TJP1: variants seen among roughly 807,000 people sequenced by gnomAD.
The protein encoded by TJP1 is tight junction protein 1.
TJP1 carries 43 observed loss-of-function variants against 194.2 expected under a neutral mutation model. The observed-to-expected ratio is 0.22, with a 90% CI of 0.17 to 0.29. The LOEUF (loss-of-function observed/expected upper bound fraction) is 0.29, where lower values mean the gene tolerates loss of function less well. TJP1 is among the 10% of genes least tolerant of loss of function. The pLI, the probability that TJP1 is intolerant of heterozygous loss-of-function variation, is 1.00. For synonymous variants in TJP1, 801 were observed against 779.0 expected, an observed-to-expected ratio of 1.03 and a Z score of -0.47; for missense variants, 1,971 against 2,185.7, an observed-to-expected ratio of 0.90 and a Z score of 1.96.
chr15:29,807,511 T>C (rs190057951), intron 1 of TJP1, among the ~76,000 whole-genome samples: 1 of 152,316 alleles, frequency 6.6e-6, no homozygotes, highest in Admixed American at 6.5e-5. Flanking sequence ...AGGAAGGGAA[T>C]GGCATAGCAG....
intron 8 of TJP1, among the ~76,000 whole-genome samples, chr15:29,745,376 T>TA (rs1027612911): frequency 2.7e-5 from 4 of 148,540 alleles, no homozygotes; most frequent in East Asian, 2.0e-4. Context: ...TTTAATTACA[T>TA]AAAAAAATCT....
chr15:29,912,741 A>T (rs2054061539), intron 2 of TJP1, among the ~76,000 whole-genome samples: 1 of 150,532 alleles, frequency 6.6e-6, no homozygotes, highest in Non-Finnish European at 1.5e-5. Flanking sequence ...CTTGGAAAAA[A>T]TATTCTGGGA....
chr15:29,925,656 A>G (rs548421327), intron 2 of TJP1, among the ~76,000 whole-genome samples: 1 of 152,308 alleles, frequency 6.6e-6, no homozygotes, highest in Non-Finnish European at 1.5e-5. Context: ...TGTCACACTG[A>G]GTCAGCAGGC....
At chr15:29,710,079 G>C (rs1026594878) in intron 24 of TJP1, among the ~76,000 whole-genome samples, 5 of 152,088 alleles carry the variant, frequency 3.3e-5, no homozygotes, top group African/African-American at 4.8e-5. Context: ...CCGAGAGGCA[G>C]AGGTTGCAGT....
At chr15:29,857,893 C>A (rs1263500068) in intron 2 of TJP1, among the ~76,000 whole-genome samples, 1 of 152,144 alleles carries the variant, frequency 6.6e-6, no homozygotes, top group African/African-American at 2.4e-5. Context: ...TCCGGACTAG[C>A]TGGGATTACA....
intron 8 of TJP1, among the ~76,000 whole-genome samples, chr15:29,747,320 G>A (rs1462553321): frequency 6.6e-6 from 1 of 152,026 alleles, no homozygotes; most frequent in Non-Finnish European, 1.5e-5. Context: ...AATTGTAAAA[G>A]ATCAAAATTT....
chr15:29,959,510 G>A (rs1213289333), intron 1 of TJP1, among the ~76,000 whole-genome samples: 3 of 151,956 alleles, frequency 2.0e-5, no homozygotes, highest in African/African-American at 7.3e-5. Flanking sequence ...TCCCCACTGC[G>A]ACTACTGTGG....
rs747859807 is a variant in TJP1 at position 29,718,676 on chromosome 15, G to A, written c.3466C>T (p.Arg1156Trp). The stretch of plus-strand genomic sequence containing the variant: ...CCAGGAGCTGGCTGCTCTTCGTGCC[G>A]CAGGGCGGATGCTCTAGGTGCCTGT... ...YEQAPRASAL[R>W]HEEQPAPGYD... Residue 1156 changes from arginine to tryptophan, a missense_variant, in exon 21 of 28, where the codon CGG (arginine) becomes TGG (tryptophan). Transcript: ENST00000614355. The A allele has an allele frequency of 2.0e-5, 33 of 1,614,026 alleles. No individual in the cohort carries two copies. The highest frequency in any genetic ancestry group is 1.4e-4 in the South Asian group (13 of 91,088).
At chr15:29,808,063 T>C (rs573234954) in intron 1 of TJP1, among the ~76,000 whole-genome samples, 1 of 152,166 alleles carries the variant, frequency 6.6e-6, no homozygotes, top group African/African-American at 2.4e-5. Context: ...AGGCCAGATG[T>C]TCAAGATCAG....
chr15:29,761,955 C>T (rs1329929225), intron 6 of TJP1, among the ~76,000 whole-genome samples, 186 bp from the exon 7 acceptor site: 3 of 152,146 alleles, frequency 2.0e-5, no homozygotes, highest in African/African-American at 4.8e-5. Context: ...TGTACTGTTG[C>T]TGTCAGAAAA....
chr15:29,858,779 C>CT (rs2051959479), intron 2 of TJP1, among the ~76,000 whole-genome samples: 1 of 151,848 alleles, frequency 6.6e-6, no homozygotes, highest in Non-Finnish European at 1.5e-5. Flanking sequence ...ACTCCTGGGC[C>CT]TAAGTGATCC....
At position 29,732,723 on chromosome 15, in the gene TJP1, G is replaced by T. The variant is rs764601264; in HGVS notation, c.1829C>A (p.Ser610Tyr). Reference protein sequence around the residue: ...DFWRFRGLRSSKRNLRKSRED... With the variant: ...DFWRFRGLRSYKRNLRKSRED... Reference sequence around the variant, plus strand: ...TCTGCTTTTTCGAAGATTTCTCTTGGAGCTGCGAAGACCTCTGAATCTCCA... The same window carrying T: ...TCTGCTTTTTCGAAGATTTCTCTTGTAGCTGCGAAGACCTCTGAATCTCCA... The change falls in exon 14 of 28, where the codon TCC becomes TAC. Residue 610 changes from serine (S) to tyrosine (Y), a missense_variant. Coordinates refer to ENST00000614355, the MANE Select transcript of TJP1 (RefSeq NM_001330239.4). 5.0e-6 allele frequency: 8 copies of T among 1,614,156 alleles called. No homozygotes were observed. The highest frequency in any genetic ancestry group is 5.9e-6 in the Non-Finnish European group (7 of 1,180,026).
chr15:29,771,638 T>A (rs1190727601), intron 4 of TJP1, among the ~76,000 whole-genome samples: 1 of 151,798 alleles, frequency 6.6e-6, no homozygotes, highest in Non-Finnish European at 1.5e-5. Flanking sequence ...ACCCTGTCTC[T>A]ACTAAAAATA....
intron 2 of TJP1, among the ~76,000 whole-genome samples, chr15:29,793,616 CAGAG>C (rs760714976): frequency 2.0e-5 from 3 of 152,058 alleles, no homozygotes; most frequent in Non-Finnish European, 2.9e-5. Context: ...AGGAGAGAGA[CAGAG>C]AGCAGGGAGG....
intron 5 of TJP1, among the ~76,000 whole-genome samples, chr15:29,765,769 G>C (rs576744372): frequency 6.6e-6 from 1 of 152,148 alleles, no homozygotes; most frequent in Non-Finnish European, 1.5e-5. Context: ...GCATGTACTT[G>C]TACTTCCAGC....
chr15:29,939,262 C>A (rs565788012), intron 2 of TJP1, among the ~76,000 whole-genome samples: 2 of 152,124 alleles, frequency 1.3e-5, no homozygotes, highest in Admixed American at 1.3e-4. Flanking sequence ...TCATGACATA[C>A]GATCTTTTAG....
chr15:29,914,407 G>A (rs1223721463), intron 2 of TJP1, among the ~76,000 whole-genome samples: 8 of 152,160 alleles, frequency 5.3e-5, no homozygotes, highest in Admixed American at 2.6e-4. Flanking sequence ...CCCCACCTCA[G>A]GAAGCCTGGA....
intron 2 of TJP1, among the ~76,000 whole-genome samples, chr15:29,918,183 C>A (rs1402963060): frequency 6.6e-6 from 1 of 152,214 alleles, no homozygotes; most frequent in African/African-American, 2.4e-5. Context: ...AAGCTGAATA[C>A]CACTCTATAG....
chr15:29,844,371 C>A (rs1008986487), intron 2 of TJP1, among the ~76,000 whole-genome samples: 1 of 152,122 alleles, frequency 6.6e-6, no homozygotes, highest in African/African-American at 2.4e-5. Context: ...ACCCGGCCCA[C>A]AGTGGCTGTT....
Sources: gnomAD v4.1 joint callset for allele counts (sites outside exome capture counted in the v4.1 genomes callset) on GRCh38, gnomAD v4.1.1 for gene constraint, MANE v1.5 for transcripts, NCBI Gene and HGNC (gene_info 2026-07-23, HGNC 2026-07-21) for gene names.